The following CRB1 variants were observed in gnomAD, a reference collection of about 807,000 sequenced individuals.
The protein encoded by CRB1 is crumbs cell polarity complex component 1.
A neutral mutation model predicts 120.0 loss-of-function variants in CRB1; 83 were observed. The observed-to-expected ratio is 0.69, with a 90% CI of 0.58 to 0.83. The LOEUF is 0.83. CRB1 is among the 40% of genes least tolerant of loss of function. The probability of loss-of-function intolerance (pLI) is 0.00; values close to 1 mark genes in which losing one functional copy is unlikely to be tolerated. For synonymous variants in CRB1, 625 were observed against 612.5 expected, an observed-to-expected ratio of 1.02 and a Z score of -0.30; for missense variants, 1,699 against 1,687.6, an observed-to-expected ratio of 1.01 and a Z score of -0.12.
intron 1 of CRB1, among the ~76,000 whole-genome samples, chr1:197,327,344 T>C (rs1443942300): frequency 2.6e-5 from 4 of 152,182 alleles, no homozygotes; most frequent in African/African-American, 7.2e-5. Context: ...AAAAGTGCAA[T>C]AGAACTATCA....
intron 1 of CRB1, among the ~76,000 whole-genome samples, chr1:197,293,764 C>T (rs1249274685): frequency 2.6e-5 from 4 of 152,198 alleles, no homozygotes; most frequent in South Asian, 2.1e-4. Flanking sequence ...TACCACACAT[C>T]TACAACCATC....
At chr1:197,268,600 T>TA in intron 1 of CRB1, 118 bp downstream of exon 1, 1 of 842,428 alleles carries the variant, frequency 1.2e-6, no homozygotes, top group South Asian at 1.5e-5. Context: ...AGGAAGTTTT[T>TA]ATTTGTTTTT....
At chr1:197,426,256 C>T (rs1458556346) in intron 6 of CRB1, among the ~76,000 whole-genome samples, 1 of 151,960 alleles carries the variant, frequency 6.6e-6, no homozygotes, top group South Asian at 2.1e-4. Flanking sequence ...CTGATCCAAG[C>T]CATTATCATT....
At chr1:197,365,504 G>A (rs531329259) in intron 5 of CRB1, among the ~76,000 whole-genome samples, 2 of 152,134 alleles carry the variant, frequency 1.3e-5, no homozygotes, top group African/African-American at 4.8e-5. Context: ...CTGGGGAGGG[G>A]GGGAGAAGGG....
chr1:197,280,001 C>T (rs953647433), intron 1 of CRB1, among the ~76,000 whole-genome samples: 1 of 151,700 alleles, frequency 6.6e-6, no homozygotes, highest in Non-Finnish European at 1.5e-5. Context: ...TTATTATTCC[C>T]ATTTTGCAGA....
intron 5 of CRB1, among the ~76,000 whole-genome samples, chr1:197,409,960 A>T (rs1178994171): frequency 6.6e-6 from 1 of 151,644 alleles, no homozygotes; most frequent in Non-Finnish European, 1.5e-5. Flanking sequence ...CTTTTTTTGT[A>T]TTTTTTAGTA....
intron 1 of CRB1, among the ~76,000 whole-genome samples, chr1:197,287,953 T>A (rs753184768): frequency 6.6e-6 from 1 of 151,716 alleles, no homozygotes; most frequent in African/African-American, 2.4e-5. Context: ...TGAAGAGTAG[T>A]CATCCCTAAG....
chr1:197,415,641 C>CTTTTTTTTTTTTTTTTTT (rs55654070), intron 5 of CRB1, among the ~76,000 whole-genome samples: 18 of 94,016 alleles, frequency 1.9e-4, no homozygotes, highest in Admixed American at 4.2e-4. Flanking sequence ...TTTTTCTTTT[C>CTTTTTTTTTTTTTTTTTT]TTTTTTTTTT....
At chr1:197,440,792 G>A (rs1665396636) in intron 10 of CRB1, 1 of 152,194 alleles carries the variant, frequency 6.6e-6, no homozygotes, top group African/African-American at 2.4e-5. Context: ...CAGCTTAATA[G>A]TGTCATCCTG....
intron 5 of CRB1, among the ~76,000 whole-genome samples, chr1:197,382,998 A>C (rs1317515307): frequency 6.6e-6 from 1 of 152,190 alleles, no homozygotes; most frequent in Non-Finnish European, 1.5e-5. Flanking sequence ...AGAAGTACAA[A>C]ATTGGTAACT....
At chr1:197,290,381 T>C (rs1280239257) in intron 1 of CRB1, among the ~76,000 whole-genome samples, 1 of 151,374 alleles carries the variant, frequency 6.6e-6, no homozygotes, top group Non-Finnish European at 1.5e-5. Context: ...TTTGATTTCC[T>C]GGAGGTAGGA....
Position 197,442,569 on chromosome 1 carries a change from C to T in CRB1, c.4005+277C>T, listed in dbSNP as rs1423648677. ...AGGCTTATTTTAAACATATCAGAAG[C>T]ACTTTGTCTGTGTATAAAATATTTT... On this transcript the variant is annotated intron_variant, in intron 11 of 11. Coordinates refer to ENST00000367400, the MANE Select transcript of CRB1 (RefSeq NM_201253.3). 16 of 1,405,248 alleles carry T rather than the reference C, an allele frequency of 1.1e-5. No individual in the cohort carries two copies. In the East Asian group the frequency reaches 4.0e-4, roughly 35 times the overall value. The allele number at this position is 1,405,248 out of a possible 1,614,324, so 87.0% of individuals were successfully genotyped here.
At chr1:197,438,158 T>A in intron 9 of CRB1, 2 of 284,334 alleles carry the variant, frequency 7.0e-6, no homozygotes, top group South Asian at 7.4e-5. Flanking sequence ...GGTAGTAGAG[T>A]GCTGTCCTTG....
At chr1:197,405,210 C>T (rs543615231) in intron 5 of CRB1, among the ~76,000 whole-genome samples, 234 of 152,220 alleles carry the variant, frequency 1.5e-3, no homozygotes, top group African/African-American at 5.4e-3. Flanking sequence ...CGAGTGCCTG[C>T]GATTGCAGGC....
chr1:197,453,887 TTAA>T (rs1392065805), intron 11 of CRB1, among the ~76,000 whole-genome samples: 10 of 138,546 alleles, frequency 7.2e-5, no homozygotes, highest in East Asian at 6.0e-4. Context: ...ATATATATTA[TTAA>T]TATTATTATA....
At position 197,434,793 on chromosome 1, in the gene CRB1, C is replaced by A. The variant is rs1665046846; in HGVS notation, c.2930C>A (p.Thr977Lys). ...GNITRELTNI[T>K]FGFRTRDANV... Reference sequence around the variant, plus strand: ...ATTACCAGAGAACTCACCAATATCACATTTGGTTTCAGAACAAGGGATGCA... The same window carrying A: ...ATTACCAGAGAACTCACCAATATCAAATTTGGTTTCAGAACAAGGGATGCA... The change falls in exon 9 of 12, where the codon ACA becomes AAA. Residue 977 changes from threonine to lysine, a missense_variant. Physicochemically the swap from Thr to Lys is moderately conservative, Grantham distance 78 (BLOSUM62 -1). Transcript: ENST00000367400. 6.2e-7 allele frequency: 1 copy of A among 1,613,508 alleles called. No individual in the cohort carries two copies. The highest frequency in any genetic ancestry group is 8.5e-7 in the Non-Finnish European group (1 of 1,179,526).
intron 2 of CRB1, among the ~76,000 whole-genome samples, chr1:197,329,206 G>C (rs935193645): frequency 6.6e-6 from 1 of 152,226 alleles, no homozygotes; most frequent in Non-Finnish European, 1.5e-5. Flanking sequence ...TGCTGTCACT[G>C]TTGCTGTTTT....
At chr1:197,390,549 G>T (rs1215434399) in intron 5 of CRB1, among the ~76,000 whole-genome samples, 1 of 151,984 alleles carries the variant, frequency 6.6e-6, no homozygotes, top group Non-Finnish European at 1.5e-5. Flanking sequence ...CTTTTCCAGG[G>T]CTCCAAGGTT....
At chr1:197,246,924 T>G in the CRB1 span, among the ~76,000 whole-genome samples, 1 of 152,072 alleles carries the variant, frequency 6.6e-6, no homozygotes, top group African/African-American at 2.4e-5. Context: ...TTACTTACAT[T>G]TTATTAACAG....
Sources: allele counts gnomAD v4.1 joint callset (sites outside exome capture counted in the v4.1 genomes callset), GRCh38; gene constraint gnomAD v4.1.1; transcripts MANE v1.5; gene names NCBI Gene and HGNC (gene_info 2026-07-23, HGNC 2026-07-21).